CEACAM1: variants seen among roughly 807,000 people sequenced by gnomAD.
CEACAM1 encodes CEA cell adhesion molecule 1, also known as cell adhesion molecule CEACAM1.
A neutral mutation model predicts 49.1 loss-of-function variants in CEACAM1; 31 were observed. The observed-to-expected ratio is 0.63, with a 90% CI of 0.47 to 0.85. CEACAM1 has a LOEUF of 0.85. Ranked by LOEUF, CEACAM1 falls within the 40% of genes least tolerant of loss-of-function variation. The probability of loss-of-function intolerance (pLI) is 0.00; values close to 1 mark genes in which losing one functional copy is unlikely to be tolerated. For synonymous variants in CEACAM1, 244 were observed against 247.8 expected (o/e 0.98, Z 0.14); for missense variants, 570 against 645.3 (o/e 0.88, Z 1.26).
chr19:42,520,963 A>G (rs1396861954), intron 4 of CEACAM1: 9 of 369,550 alleles, frequency 2.4e-5, no homozygotes, highest in African/African-American at 1.8e-4. Flanking sequence ...GACAGAAGCA[A>G]ATTGACCTTG....
chr19:42,526,825 C>T (rs961057341), intron 2 of CEACAM1, among the ~76,000 whole-genome samples: 1 of 152,134 alleles, frequency 6.6e-6, no homozygotes, highest in Non-Finnish European at 1.5e-5. Context: ...ATCAGATTGT[C>T]CTTCCTCTGA....
intron 2 of CEACAM1, among the ~76,000 whole-genome samples, chr19:42,524,402 G>A (rs2041837155): frequency 6.6e-6 from 1 of 152,208 alleles, no homozygotes; most frequent in East Asian, 1.9e-4. Context: ...GGGGACTGCA[G>A]ACCTGTCCTT....
chr19:42,527,487 T>C, intron 1 of CEACAM1, 87 bp from the exon 2 acceptor site: 1 of 1,472,352 alleles, frequency 6.8e-7, no homozygotes, highest in Non-Finnish European at 9.1e-7. Flanking sequence ...GCAGGTGTCT[T>C]CACCCCTCCA....
At chr19:42,510,231 G>A (rs1337629358) in intron 8 of CEACAM1, among the ~76,000 whole-genome samples, 4 of 152,154 alleles carry the variant, frequency 2.6e-5, no homozygotes, top group East Asian at 1.9e-4. Context: ...GACTACAGGC[G>A]CCCGCCACCA....
chr19:42,510,986 TG>T lies in CEACAM1; in HGVS notation c.1430-67del, dbSNP rs1032334940. ...AAAGCTGACTTCAGGTGATTCTAGC[TG>T]AAGGAGGTGGCAGTTGGAGGGTGGG... On this transcript the variant is annotated intron_variant, in intron 7 of 8. Transcript: ENST00000161559. The T allele has an allele frequency of 6.1e-6, 9 of 1,477,466 alleles. No homozygotes were observed. The African/African-American group carries it at 1.1e-4, about 18-fold the overall frequency. The allele number at this position is 1,477,466 out of a possible 1,614,324, so 91.5% of individuals were successfully genotyped here.
intron 7 of CEACAM1, chr19:42,511,167 A>G (rs1021022950): frequency 5.1e-6 from 3 of 587,182 alleles, no homozygotes; most frequent in African/African-American, 1.9e-5. Context: ...ATTTTTGCCC[A>G]GATGTGTTTC....
rs2147807959 is a variant in CEACAM1, at chr19:42,525,445, C to T, written c.424+1596G>A. Among the ~76,000 whole-genome samples, 2 of 152,138 alleles carry T rather than the reference C, an allele frequency of 1.3e-5. 1 individual carries two copies. Among genetic ancestry groups the T allele is most frequent in the Non-Finnish European group, 2.9e-5 (2 of 67,980 alleles). On this transcript the variant is annotated intron_variant, in intron 2 of 8. Coordinates refer to ENST00000161559, the MANE Select transcript of CEACAM1 (RefSeq NM_001712.5). The stretch of plus-strand genomic sequence containing the variant: ...GTTTCACCATGTTGGCCAGGCTGGT[C>T]TTGAACTCCTGACCTCAAGTGATCC...
At chr19:42,511,552 A>C (rs778685171) in intron 7 of CEACAM1, 24 bp downstream of exon 7, 2 of 1,607,386 alleles carry the variant, frequency 1.2e-6, no homozygotes, top group Non-Finnish European at 1.7e-6. Context: ...ACCAGTTCTC[A>C]CTGGGGTAAG....
At chr19:42,512,230 CA>C in intron 6 of CEACAM1, 119 bp downstream of exon 6, 2 of 1,147,286 alleles carry the variant, frequency 1.7e-6, no homozygotes, top group South Asian at 2.9e-5. Flanking sequence ...TGCCGAGAAG[CA>C]GGAGTTTAGT....
chr19:42,518,941 C>A lies in CEACAM1; in HGVS notation c.1246+7G>T, dbSNP rs1461201387. ...GGACATATAGGAAGGGGTGAGGAGT[C>A]ACTTACAGTTTACGTTCAGCATGAT... On this transcript the variant is annotated splice_region_variant and intron_variant, in intron 5 of 8. Transcript: ENST00000161559. 1 of 1,614,130 alleles carries A rather than the reference C, an allele frequency of 6.2e-7. No individual in the cohort carries two copies. The highest frequency in any genetic ancestry group is 2.2e-5 in the East Asian group (1 of 44,868).
Position 42,527,232 on chromosome 19 carries a change from T to A in CEACAM1, c.233A>T (p.Gln78Leu), listed in dbSNP as rs200708090. 7.4e-6 allele frequency: 12 copies of A among 1,614,116 alleles called. No homozygotes were observed. In the Admixed American group the frequency reaches 1.3e-4, roughly 18 times the overall value. The change falls in exon 2 of 9, where the codon CAA becomes CTA. Residue 78 changes from glutamine to leucine, a missense_variant. Transcript: ENST00000161559. ...AGTTCCTATTGCATATCCTACAATTTGACGGTTGCCATCCACTCTTTCCCC... is the reference window on the plus strand; with the variant it reads ...AGTTCCTATTGCATATCCTACAATTAGACGGTTGCCATCCACTCTTTCCCC... Reference protein sequence around the residue: ...YKGERVDGNRQIVGYAIGTQQ... With the variant: ...YKGERVDGNRLIVGYAIGTQQ...
At chr19:42,511,979 A>G (rs1688329727) in intron 6 of CEACAM1, among the ~76,000 whole-genome samples, 1 of 150,102 alleles carries the variant, frequency 6.7e-6, no homozygotes, top group Non-Finnish European at 1.5e-5. Context: ...TTCTCTTCCT[A>G]TGCTATTTCT....
chr19:42,509,783 C>T lies in CEACAM1; in HGVS notation c.1462-555G>A, dbSNP rs566014593. Among the ~76,000 whole-genome samples, 4 of 152,164 alleles carry T rather than the reference C, an allele frequency of 2.6e-5. No individual in the cohort carries two copies. In the South Asian group the frequency reaches 6.2e-4, roughly 24 times the overall value. ...CTGGGATTACAGGCATCCACTACCA[C>T]GCCCGGCTAATTTTTTGTATTTTTA... is the stretch of plus-strand genomic sequence containing the variant. On this transcript the variant is annotated intron_variant, in intron 8 of 8. Transcript: ENST00000161559.
At position 42,521,476 on chromosome 19, in the gene CEACAM1, C is replaced by A. The variant is rs539432247; in HGVS notation, c.749G>T (p.Arg250Leu). Residue 250 changes from arginine (R) to leucine (L), a missense_variant, in exon 4 of 9, where the codon CGT (arginine) becomes CTT (leucine). Transcript: ENST00000161559. ...PTISPSDTYY[R>L]PGANLSLSCY... ...GGAGAGGCTGAGGTTTGCCCCTGGA[C>A]GGTAATAGGTGTCTGAAGGGGAAAT... 1 of 1,614,078 alleles carries A rather than the reference C, an allele frequency of 6.2e-7. No individual in the cohort carries two copies.
At chr19:42,524,607 G>A (rs922755185) in intron 2 of CEACAM1, among the ~76,000 whole-genome samples, 5 of 152,236 alleles carry the variant, frequency 3.3e-5, no homozygotes, top group African/African-American at 1.2e-4. Flanking sequence ...CCTGGCCACA[G>A]TGTGAGCGGG....
rs2041870307 is a variant in CEACAM1 at position 42,525,561 on chromosome 19, G to A, written c.424+1480C>T. 2 of 152,132 alleles carry A rather than the reference G, an allele frequency of 1.3e-5. 1 individual carries two copies. The highest frequency in any genetic ancestry group is 4.1e-4 in the South Asian group (2 of 4,832). 9.4% of individuals were successfully genotyped at this position (152,132 alleles called of 1,614,324 possible). On this transcript the variant is annotated intron_variant, in intron 2 of 8. Transcript: ENST00000161559. ...AACATTTCTGACACTGACTCTAATT[G>A]TTGAATAAGTTCCAGAATAAAACTT...
At chr19:42,511,517 C>T (rs1377877781) in intron 7 of CEACAM1, 59 bp downstream of exon 7, 2 of 1,402,112 alleles carry the variant, frequency 1.4e-6, no homozygotes, top group Non-Finnish European at 1.0e-6. Flanking sequence ...GATTCCCTGC[C>T]AGGGGAGGGC....
At position 42,521,991 on chromosome 19, in the gene CEACAM1, G is replaced by C. The variant is rs1367040108; in HGVS notation, c.636C>G (p.Pro212=). 1.2e-6 allele frequency: 2 copies of C among 1,614,238 alleles called. No homozygotes were observed. Among genetic ancestry groups the C allele is most frequent in the Non-Finnish European group, 1.7e-6 (2 of 1,180,038 alleles). The change falls in exon 3 of 9, where the codon CCC becomes CCG. Residue 212 remains proline, a synonymous_variant. Transcript: ENST00000161559. The part of the protein sequence containing the change: ...LLSVTRNDTG[P]YECEIQNPVS... Reference sequence around the variant, plus strand: ...CTGGGTTCTGTATTTCACACTCATAGGGTCCTGTGTCATTCCTTGTGACAC... The same window carrying C: ...CTGGGTTCTGTATTTCACACTCATACGGTCCTGTGTCATTCCTTGTGACAC...
chr19:42,525,368 G>A (rs2041865128), intron 2 of CEACAM1, among the ~76,000 whole-genome samples: 2 of 151,818 alleles, frequency 1.3e-5, no homozygotes, highest in African/African-American at 4.8e-5. Flanking sequence ...GGGATTAGAG[G>A]CACGCACCAC....
Sources: allele counts gnomAD v4.1 joint callset (sites outside exome capture counted in the v4.1 genomes callset), GRCh38; gene constraint gnomAD v4.1.1; transcripts MANE v1.5; gene names NCBI Gene and HGNC (gene_info 2026-07-23, HGNC 2026-07-21).